MMP27: variants seen among roughly 807,000 people sequenced by gnomAD.
MMP27 encodes matrix metallopeptidase 27.
MMP27 carries 51 observed loss-of-function variants against 48.1 expected under a neutral mutation model. That is an observed-to-expected ratio of 1.06 (90% CI 0.85 to 1.34). The LOEUF (loss-of-function observed/expected upper bound fraction) is 1.34, where lower values mean the gene tolerates loss of function less well. Among genes scored for constraint, MMP27 ranks in the 40% most tolerant of loss-of-function variants. The pLI, the probability that MMP27 is intolerant of heterozygous loss-of-function variation, is 0.00. For missense variants in MMP27, 698 were observed against 619.3 expected (o/e 1.13, Z -1.35); for synonymous variants, 229 against 208.9 (o/e 1.10, Z -0.83).
Position 102,702,867 on chromosome 11 carries a change from G to T in MMP27, c.505C>A (p.Pro169Thr). 6.2e-7 allele frequency: 1 copy of T among 1,613,894 alleles called. No homozygotes were observed. The highest frequency in any genetic ancestry group is 8.5e-7 in the Non-Finnish European group (1 of 1,179,954). Residue 169 changes from proline to threonine, a missense_variant, in exon 4 of 10, where the codon CCT becomes ACT. Pro to Thr is a conservative substitution (Grantham distance 38). Coordinates refer to ENST00000260229, the MANE Select transcript of MMP27 (RefSeq NM_022122.3). Reference protein sequence around the residue: ...AFRTRVHGRCPRYFDGPLGVL... With the variant: ...AFRTRVHGRCTRYFDGPLGVL... ...CCCAAGGGACCATCAAAATAGCGAGGACACCGACCATGGACTGAGATACAA... is the reference window on the plus strand; with the variant it reads ...CCCAAGGGACCATCAAAATAGCGAGTACACCGACCATGGACTGAGATACAA...
chr11:102,693,921 C>T lies in MMP27; in HGVS notation c.1178G>A (p.Gly393Asp). 2 of 1,596,660 alleles carry T rather than the reference C, an allele frequency of 1.3e-6. No individual in the cohort carries two copies. The highest frequency in any genetic ancestry group is 1.7e-6 in the Non-Finnish European group (2 of 1,173,138). The change falls in exon 8 of 10, where the codon GGC becomes GAC. Residue 393 changes from glycine (G) to aspartate (D), a missense_variant. Coordinates refer to ENST00000260229, the MANE Select transcript of MMP27 (RefSeq NM_022122.3). Reference protein sequence around the residue: ...KTTRKTYFFVGIWCWRFDEMT... With the variant: ...KTTRKTYFFVDIWCWRFDEMT... ...GTAAACTTACCTCCAGCACCAAATG[C>T]CCACAAAGAAGTAGGTTTTTCTTGT...
intron 4 of MMP27, among the ~76,000 whole-genome samples, chr11:102,697,764 G>A (rs1040060793): frequency 3.3e-5 from 5 of 152,088 alleles, no homozygotes; most frequent in African/African-American, 4.8e-5. Context: ...TTGGTCTTTC[G>A]AAGTGCTGGG....
intron 8 of MMP27, 126 bp downstream of exon 8, chr11:102,693,780 A>G: frequency 1.3e-6 from 1 of 776,378 alleles, no homozygotes; most frequent in Non-Finnish European, 1.9e-6. Flanking sequence ...GCAAGACTCC[A>G]TCTCAAAAAA....
chr11:102,701,979 GTA>G (rs1199752093), intron 4 of MMP27, among the ~76,000 whole-genome samples: 27 of 152,270 alleles, frequency 1.8e-4, no homozygotes, highest in Middle Eastern at 6.8e-3. Context: ...CAGACCCAAG[GTA>G]ACTATTGCCA....
rs200047670 is a variant in MMP27 at position 102,695,103 on chromosome 11, T to A, written c.903-6A>T. The stretch of plus-strand genomic sequence containing the variant: ...AATAGATCCTCCATAGGTGCCTGTG[T>A]TAAACAAAAAACACTTTACACATGC... On this transcript the variant is annotated splice_polypyrimidine_tract_variant and splice_region_variant and intron_variant, in intron 6 of 9. Coordinates refer to ENST00000260229, the MANE Select transcript of MMP27 (RefSeq NM_022122.3). The A allele has an allele frequency of 2.5e-5, 40 of 1,612,182 alleles. No individual in the cohort carries two copies. Among genetic ancestry groups the A allele is most frequent in the Non-Finnish European group, 3.3e-5 (39 of 1,178,844 alleles).
chr11:102,692,965 G>A lies in MMP27; in HGVS notation c.1270C>T (p.Arg424Cys), dbSNP rs372052870. The change falls in exon 9 of 10, where the codon CGT becomes TGT. Residue 424 changes from arginine to cysteine, a missense_variant. Physicochemically the swap from Arg to Cys is radical, Grantham distance 180 (BLOSUM62 -3). Coordinates refer to ENST00000260229, the MANE Select transcript of MMP27 (RefSeq NM_022122.3). ...TTGTACTGGAAAGCAGCATCAACAC[G>A]GATACTGATTCCAGGAAAGTGTTTT... is the stretch of plus-strand genomic sequence containing the variant. ...VVKHFPGISI[R>C]VDAAFQYKGF... is the part of the protein sequence containing the mutation. The A allele has an allele frequency of 8.7e-6, 14 of 1,613,534 alleles. 1 individual carries two copies. The highest frequency in any genetic ancestry group is 7.7e-5 in the South Asian group (7 of 91,040).
Position 102,701,370 on chromosome 11 carries a change from G to C in MMP27, c.619+1383C>G, listed in dbSNP as rs180744573. ...TAAAGCAGTATGGGTAAGAGGAACTGCTACTTAGCATTGGATTTAAGAGAC... is the reference window on the plus strand; with the variant it reads ...TAAAGCAGTATGGGTAAGAGGAACTCCTACTTAGCATTGGATTTAAGAGAC... On this transcript the variant is annotated intron_variant, in intron 4 of 9. Transcript: ENST00000260229. 8.5e-5 allele frequency among the ~76,000 whole-genome samples: 13 copies of C among 152,284 alleles called. No homozygotes were observed. In the East Asian group the frequency reaches 2.3e-3, roughly 27 times the overall value.
At chr11:102,699,997 T>G (rs953843268) in intron 4 of MMP27, among the ~76,000 whole-genome samples, 2 of 152,220 alleles carry the variant, frequency 1.3e-5, no homozygotes, top group African/African-American at 4.8e-5. Flanking sequence ...GACTTTCTTC[T>G]GTGAGGACCT....
chr11:102,696,737 A>G lies in MMP27; in HGVS notation c.718T>C (p.Ser240Pro), dbSNP rs202129737. 5.1e-5 allele frequency: 82 copies of G among 1,613,810 alleles called. No homozygotes were observed. Among genetic ancestry groups the G allele is most frequent in the Non-Finnish European group, 1.8e-5 (21 of 1,179,934 alleles). Residue 240 changes from serine (S) to proline (P), a missense_variant, in exon 5 of 10, where the codon TCC (serine) becomes CCC (proline). By Grantham distance (74) the Ser-to-Pro change is moderately conservative. Transcript: ENST00000260229. Reference protein sequence around the residue: ...QTALMFPNYVSLDPRKYPLSQ... With the variant: ...QTALMFPNYVPLDPRKYPLSQ... ...AGTGGGTATTTTCTGGGATCCAGGG[A>G]GACATAATTTGGGAACATCAAGGCT...
rs748326249 is a variant in MMP27, at chr11:102,695,086, C to T, written c.914G>A (p.Arg305Lys). The change falls in exon 7 of 10, where the codon AGG (arginine) becomes AAG (lysine). Residue 305 changes from arginine (R) to lysine (K), a missense_variant. Coordinates refer to ENST00000260229, the MANE Select transcript of MMP27 (RefSeq NM_022122.3). Reference sequence around the variant, plus strand: ...AACATCCGTGATATCATAATAGATCCTCCATAGGTGCCTGTGTTAAACAAA... The same window carrying T: ...AACATCCGTGATATCATAATAGATCTTCCATAGGTGCCTGTGTTAAACAAA... ...VMFFKGRHLWRIYYDITDVEF... is the reference protein window; with the variant it reads ...VMFFKGRHLWKIYYDITDVEF... 3 of 1,613,704 alleles carry T rather than the reference C, an allele frequency of 1.9e-6. No individual in the cohort carries two copies. The highest frequency in any genetic ancestry group is 2.5e-6 in the Non-Finnish European group (3 of 1,179,768).
chr11:102,692,023 A>G lies in MMP27; in HGVS notation c.1298-13T>C. On this transcript the variant is annotated splice_polypyrimidine_tract_variant and intron_variant, in intron 9 of 9. Coordinates refer to ENST00000260229, the MANE Select transcript of MMP27 (RefSeq NM_022122.3). ...AAAAAGAAGAATCCTAGAGACAGGG[A>G]ATCAGGATTAGTTATCTTTCATAAC... 1.3e-6 allele frequency: 2 copies of G among 1,580,630 alleles called. No homozygotes were observed. Among genetic ancestry groups the G allele is most frequent in the Non-Finnish European group, 1.7e-6 (2 of 1,163,948 alleles).
chr11:102,693,448 C>T (rs777520779), intron 8 of MMP27, among the ~76,000 whole-genome samples: 12 of 151,864 alleles, frequency 7.9e-5, no homozygotes, highest in Non-Finnish European at 1.8e-4. Context: ...AGATCTCTTT[C>T]GGCTTGATAA....
Position 102,703,071 on chromosome 11 carries a change from G to A in MMP27, c.389C>T (p.Ala130Val), listed in dbSNP as rs112820063. 1.2e-6 allele frequency: 2 copies of A among 1,614,086 alleles called. No individual in the cohort carries two copies. The highest frequency in any genetic ancestry group is 1.7e-5 in the Admixed American group (1 of 60,010). ...CCACACTTCTAAACCTTCTTGGATA[G>A]CCTCATCCACAGCAGCTCGTGCCAT... ...PDMARAAVDE[A>V]IQEGLEVWSK... Residue 130 changes from alanine to valine, a missense_variant, in exon 3 of 10, where the codon GCT (alanine) becomes GTT (valine). Transcript: ENST00000260229.
intron 8 of MMP27, among the ~76,000 whole-genome samples, chr11:102,693,679 G>A (rs945221678): frequency 1.3e-5 from 2 of 151,992 alleles, no homozygotes; most frequent in African/African-American, 4.8e-5. Context: ...GTTACTTGGG[G>A]GTTGCTGAGA....
intron 9 of MMP27, among the ~76,000 whole-genome samples, chr11:102,692,668 G>T (rs774390309): frequency 6.6e-6 from 1 of 152,044 alleles, no homozygotes; most frequent in African/African-American, 2.4e-5. Context: ...TAGTCACTTC[G>T]CACACTTTAG....
chr11:102,697,936 T>G (rs1469491248), intron 4 of MMP27, among the ~76,000 whole-genome samples: 1 of 152,198 alleles, frequency 6.6e-6, no homozygotes, highest in Non-Finnish European at 1.5e-5. Flanking sequence ...CACCTCCACA[T>G]CTTGTCCCAC....
rs142560978 is a variant in MMP27, at chr11:102,704,581, A to G, written c.297T>C (p.Tyr99=). Residue 99 remains tyrosine (Y), a synonymous_variant, in exon 2 of 10, where the codon TAT becomes TAC. Transcript: ENST00000260229. ...TTCTCCACCCAGGGAGGGTGTAGCC[A>G]TACTGGCCCACATCAGGCACCCCAC... ...PRCGVPDVGQ[Y]GYTLPGWRKY... is the part of the protein sequence containing the mutation. The G allele has an allele frequency of 1.1e-5, 18 of 1,614,088 alleles. No individual in the cohort carries two copies. Among genetic ancestry groups the G allele is most frequent in the Admixed American group, 1.7e-5 (1 of 60,010 alleles).
Position 102,696,471 on chromosome 11 carries a change from C to T in MMP27, c.802G>A (p.Ala268Thr). The change falls in exon 6 of 10, where the codon GCT becomes ACT. Residue 268 changes from alanine to threonine, a missense_variant. By Grantham distance (58) the Ala-to-Thr change is moderately conservative. Coordinates refer to ENST00000260229, the MANE Select transcript of MMP27 (RefSeq NM_022122.3). ...SIYGGLPKEP[A>T]KPKEPTIPHA... Reference sequence around the variant, plus strand: ...GGTATAGTGGGTTCCTTTGGCTTAGCAGGTTCCTTAGGCAGACCTCCTTTG... The same window carrying T: ...GGTATAGTGGGTTCCTTTGGCTTAGTAGGTTCCTTAGGCAGACCTCCTTTG... The T allele has an allele frequency of 6.2e-7, 1 of 1,613,680 alleles. No individual in the cohort carries two copies.
rs368177554 is a variant in MMP27 at position 102,692,895 on chromosome 11, A to G, written c.1297+43T>C. 65 of 1,508,960 alleles carry G rather than the reference A, an allele frequency of 4.3e-5. 1 individual carries two copies. In the Middle Eastern group the frequency reaches 3.1e-3, roughly 71 times the overall value. The allele number at this position is 1,508,960 out of a possible 1,614,324, so 93.5% of individuals were successfully genotyped here. ...TGTGCTGTCTTTTTTCACAGTCAAC[A>G]CAGTCTCTCAAGTATCCCAATAAGT... On this transcript the variant is annotated intron_variant, in intron 9 of 9. Transcript: ENST00000260229.
Sources: gnomAD v4.1 joint callset for allele counts (sites outside exome capture counted in the v4.1 genomes callset) on GRCh38, gnomAD v4.1.1 for gene constraint, MANE v1.5 for transcripts, NCBI Gene and HGNC (gene_info 2026-07-23, HGNC 2026-07-21) for gene names.